NREP: variants seen among roughly 807,000 people sequenced by gnomAD.
NREP encodes neuronal regeneration-related protein.
In NREP, 5 loss-of-function variants were observed where a neutral mutation model predicts 8.6. The observed-to-expected ratio is 0.58, with a 90% confidence interval of 0.30 to 1.22. The LOEUF is 1.22. Ranked by LOEUF, NREP falls within the 50% of genes most tolerant of loss-of-function variation. NREP has a pLI of 0.07. For synonymous variants in NREP, 27 were observed against 28.0 expected, an observed-to-expected ratio of 0.96 and a Z score of 0.11; for missense variants, 86 against 82.5, an observed-to-expected ratio of 1.04 and a Z score of -0.17.
chr5:111,746,151 A>G (rs944256697), intron 2 of NREP, among the ~76,000 whole-genome samples: 2 of 152,256 alleles, frequency 1.3e-5, no homozygotes, highest in South Asian at 2.1e-4. Context: ...AACAAATTTA[A>G]TTGGATTTCT....
intron 2 of NREP, among the ~76,000 whole-genome samples, chr5:111,959,606 T>C (rs1756427398): frequency 6.6e-6 from 1 of 151,986 alleles, no homozygotes; most frequent in Non-Finnish European, 1.5e-5. Context: ...TAAAACAATA[T>C]ACGATTTTTG....
At chr5:111,869,952 T>C (rs1753752033) in intron 2 of NREP, among the ~76,000 whole-genome samples, 3 of 152,190 alleles carry the variant, frequency 2.0e-5, no homozygotes, top group Admixed American at 1.3e-4. Flanking sequence ...CGTTCCATTG[T>C]CTGTGACTTA....
At chr5:111,892,905 T>C (rs1754428191) in intron 2 of NREP, among the ~76,000 whole-genome samples, 1 of 152,156 alleles carries the variant, frequency 6.6e-6, no homozygotes, top group African/African-American at 2.4e-5. Context: ...ACCAGCAATA[T>C]GAACCTTCTA....
intron 2 of NREP, among the ~76,000 whole-genome samples, chr5:111,871,053 C>CGTATGTGT (rs1753777904): frequency 7.0e-6 from 1 of 142,610 alleles, no homozygotes; most frequent in Non-Finnish European, 1.5e-5. Context: ...GAACCAATGG[C>CGTATGTGT]GTGTGTGTGT....
intron 2 of NREP, among the ~76,000 whole-genome samples, chr5:111,917,394 GAC>G (rs1468689313): frequency 2.0e-5 from 3 of 152,206 alleles, no homozygotes; most frequent in African/African-American, 7.2e-5. Flanking sequence ...AAACCTGGCA[GAC>G]ACACAACAAA....
At chr5:111,888,097 G>T (rs1000777065) in intron 2 of NREP, among the ~76,000 whole-genome samples, 2 of 152,180 alleles carry the variant, frequency 1.3e-5, no homozygotes, top group African/African-American at 4.8e-5. Context: ...TGAGGTGAGG[G>T]TCAGCTAAGG....
At chr5:111,829,547 T>C (rs1197159838) in intron 2 of NREP, among the ~76,000 whole-genome samples, 1 of 152,218 alleles carries the variant, frequency 6.6e-6, no homozygotes, top group South Asian at 2.1e-4. Flanking sequence ...TGACCTTTGA[T>C]TCCAGATTAT....
At position 111,939,975 on chromosome 5, in the gene NREP, T is replaced by C. The variant is rs143132002; in HGVS notation, c.135+35299A>G. On this transcript the variant is annotated intron_variant, in intron 2 of 3. Coordinates refer to the NREP transcript ENST00000395634. Reference sequence around the variant, plus strand: ...ACAGGCTTATAGGAATCTGACTCTTTATTTCCTGTGGGAGTAATCATTCAA... The same window carrying C: ...ACAGGCTTATAGGAATCTGACTCTTCATTTCCTGTGGGAGTAATCATTCAA... The C allele has an allele frequency of 1.9e-3, 282 of 152,232 alleles. 3 individuals carry two copies. Among genetic ancestry groups the C allele is most frequent in the African/African-American group, 6.6e-3 (274 of 41,570 alleles). 9.4% of individuals were successfully genotyped at this position (152,232 alleles called of 1,614,324 possible).
intron 2 of NREP, among the ~76,000 whole-genome samples, chr5:111,903,165 C>A (rs925267196): frequency 1.4e-5 from 2 of 147,380 alleles, no homozygotes; most frequent in African/African-American, 5.1e-5. Flanking sequence ...CTCACTGCAA[C>A]CTCCACCTCC....
chr5:111,780,401 A>G (rs567535148), intron 2 of NREP, among the ~76,000 whole-genome samples: 1 of 152,256 alleles, frequency 6.6e-6, no homozygotes, highest in South Asian at 2.1e-4. Context: ...AAATAGAGGG[A>G]AACAGGGAGA....
intron 2 of NREP, among the ~76,000 whole-genome samples, chr5:111,887,854 A>G (rs1480138850): frequency 6.6e-6 from 1 of 152,228 alleles, no homozygotes; most frequent in Admixed American, 6.5e-5. Context: ...TTGGAAAAAG[A>G]CTTCCCACAG....
intron 2 of NREP, among the ~76,000 whole-genome samples, chr5:111,762,748 C>A (rs1750989928): frequency 6.6e-6 from 1 of 152,140 alleles, no homozygotes; most frequent in South Asian, 2.1e-4. Flanking sequence ...GAAATGAATG[C>A]CTGTTGTTTA....
chr5:111,815,677 T>C (rs941280841), intron 2 of NREP, among the ~76,000 whole-genome samples: 1 of 151,788 alleles, frequency 6.6e-6, no homozygotes, highest in Non-Finnish European at 1.5e-5. Flanking sequence ...ATTAAGGACA[T>C]GGAAGATGGA....
chr5:111,877,952 A>C (rs1410124088), intron 2 of NREP, among the ~76,000 whole-genome samples: 2 of 152,230 alleles, frequency 1.3e-5, no homozygotes, highest in Admixed American at 6.5e-5. Flanking sequence ...CTGAGAGGAC[A>C]TGCCTTAGGC....
At chr5:111,763,139 A>T (rs1751002585) in intron 2 of NREP, among the ~76,000 whole-genome samples, 1 of 152,214 alleles carries the variant, frequency 6.6e-6, no homozygotes, top group Non-Finnish European at 1.5e-5. Flanking sequence ...CAGATGAGAG[A>T]TTCTCCCCTT....
chr5:111,923,981 C>G (rs375412947), intron 2 of NREP, among the ~76,000 whole-genome samples: 1 of 152,114 alleles, frequency 6.6e-6, no homozygotes, highest in African/African-American at 2.4e-5. Flanking sequence ...AAGGGACAGG[C>G]CATTTCCCCA....
chr5:111,888,603 G>C (rs1754319465), intron 2 of NREP, among the ~76,000 whole-genome samples: 1 of 152,114 alleles, frequency 6.6e-6, no homozygotes, highest in African/African-American at 2.4e-5. Context: ...ATTTGGGTGG[G>C]GACATAGAGC....
chr5:111,789,446 A>G (rs1751690502), intron 2 of NREP, among the ~76,000 whole-genome samples: 1 of 152,218 alleles, frequency 6.6e-6, no homozygotes. Flanking sequence ...TTTCTTCAGA[A>G]TAAAAATTAT....
intron 2 of NREP, among the ~76,000 whole-genome samples, chr5:111,881,328 C>G (rs1230610790): frequency 3.3e-5 from 5 of 152,184 alleles, no homozygotes; most frequent in Non-Finnish European, 5.9e-5. Context: ...GCCTGGGAAG[C>G]TCCAACTGGG....
Sources: gnomAD v4.1 joint callset for allele counts (sites outside exome capture counted in the v4.1 genomes callset) on GRCh38, gnomAD v4.1.1 for gene constraint, MANE v1.5 for transcripts, NCBI Gene and HGNC (gene_info 2026-07-23, HGNC 2026-07-21) for gene names.